The following TAFA5 variants were observed in gnomAD, a reference collection of about 807,000 sequenced individuals.
TAFA5 encodes the protein chemokine-like protein TAFA-5.
TAFA5 carries 6 observed loss-of-function variants against 15.3 expected under a neutral mutation model. The observed-to-expected ratio is 0.39, with a 90% CI of 0.21 to 0.77. TAFA5 has a LOEUF of 0.77. Ranked by LOEUF, TAFA5 falls within the 30% of genes least tolerant of loss-of-function variation. The pLI, the probability that TAFA5 is intolerant of heterozygous loss-of-function variation, is 0.41. For missense variants in TAFA5, 161 were observed against 193.1 expected (o/e 0.83, Z 0.98); for synonymous variants, 103 against 80.7 (o/e 1.28, Z -1.48).
chr22:48,634,536 TTCAATCATTCAC>T (rs1926374313), intron 1 of TAFA5, among the ~76,000 whole-genome samples: 1 of 152,104 alleles, frequency 6.6e-6, no homozygotes, highest in Non-Finnish European at 1.5e-5. Flanking sequence ...TATTCACACA[TTCAATCATTCAC>T]TCAGTCATTC....
At chr22:48,640,586 C>T (rs937332234) in intron 1 of TAFA5, among the ~76,000 whole-genome samples, 1 of 150,984 alleles carries the variant, frequency 6.6e-6, no homozygotes, top group Non-Finnish European at 1.5e-5. Context: ...TGATGAGAGG[C>T]GTTTACCCCG....
At chr22:48,529,817 C>T (rs1356366854) in intron 1 of TAFA5, among the ~76,000 whole-genome samples, 2 of 152,034 alleles carry the variant, frequency 1.3e-5, no homozygotes, top group African/African-American at 4.8e-5. Context: ...AGACCTCCAT[C>T]CTCCCATGGG....
intron 2 of TAFA5, among the ~76,000 whole-genome samples, chr22:48,655,212 G>A (rs911802106): frequency 1.8e-4 from 27 of 152,158 alleles, no homozygotes; most frequent in Non-Finnish European, 3.1e-4. Flanking sequence ...GGAGCAAACC[G>A]TGTCTGAAGG....
chr22:48,688,468 T>C (rs1040558076), intron 2 of TAFA5, among the ~76,000 whole-genome samples: 1 of 152,218 alleles, frequency 6.6e-6, no homozygotes, highest in African/African-American at 2.4e-5. Context: ...AGTGTTCTCC[T>C]GGAGTCTTGT....
chr22:48,632,878 T>G (rs1926283486), intron 1 of TAFA5, among the ~76,000 whole-genome samples: 1 of 151,566 alleles, frequency 6.6e-6, no homozygotes, highest in South Asian at 2.1e-4. Flanking sequence ...GCCTGCAGAG[T>G]TGGTGGCAGG....
intron 2 of TAFA5, among the ~76,000 whole-genome samples, chr22:48,650,668 T>C (rs1927021481): frequency 6.6e-6 from 1 of 152,190 alleles, no homozygotes; most frequent in Non-Finnish European, 1.5e-5. Context: ...TCCCTGCCTG[T>C]ACAGGGCAGG....
chr22:48,670,197 T>C (rs1010371931), intron 2 of TAFA5, among the ~76,000 whole-genome samples: 4 of 152,248 alleles, frequency 2.6e-5, no homozygotes, highest in Admixed American at 6.5e-5. Flanking sequence ...TGTAATCGGC[T>C]GCTAATGGCC....
At chr22:48,680,444 A>G (rs568205393) in intron 2 of TAFA5, among the ~76,000 whole-genome samples, 12 of 152,022 alleles carry the variant, frequency 7.9e-5, no homozygotes, top group African/African-American at 2.9e-4. Context: ...ATTCAAGTCC[A>G]GGTAGCCCCA....
At chr22:48,675,909 C>T (rs1472889688) in intron 2 of TAFA5, among the ~76,000 whole-genome samples, 1 of 152,260 alleles carries the variant, frequency 6.6e-6, no homozygotes, top group Non-Finnish European at 1.5e-5. Context: ...CACAGCGCAC[C>T]CTGACGCCCA....
chr22:48,580,381 C>G (rs1923991819), intron 1 of TAFA5, among the ~76,000 whole-genome samples: 1 of 152,198 alleles, frequency 6.6e-6, no homozygotes, highest in Non-Finnish European at 1.5e-5. Context: ...TTAGATGGAT[C>G]AGTTTATTTT....
intron 1 of TAFA5, among the ~76,000 whole-genome samples, chr22:48,593,065 T>A (rs1924630475): frequency 6.6e-6 from 1 of 152,146 alleles, no homozygotes; most frequent in African/African-American, 2.4e-5. Flanking sequence ...GGAACTGAGA[T>A]GTCCTCCGGG....
intron 1 of TAFA5, among the ~76,000 whole-genome samples, chr22:48,633,800 A>G (rs1267372341): frequency 6.6e-6 from 1 of 152,206 alleles, no homozygotes; most frequent in African/African-American, 2.4e-5. Flanking sequence ...AGATGAGGAT[A>G]TGGGAGGAAG....
At chr22:48,562,142 T>C (rs1244120835) in intron 1 of TAFA5, among the ~76,000 whole-genome samples, 2 of 152,146 alleles carry the variant, frequency 1.3e-5, no homozygotes, top group African/African-American at 2.4e-5. Context: ...TTCTTTTTTC[T>C]TTTTTTCTTT....
chr22:48,515,014 G>A (rs964197075), intron 1 of TAFA5, among the ~76,000 whole-genome samples: 11 of 152,252 alleles, frequency 7.2e-5, no homozygotes, highest in South Asian at 2.1e-4. Flanking sequence ...TTTAGGAATC[G>A]TTCCATGGAA....
At chr22:48,660,317 C>T (rs765130550) in intron 2 of TAFA5, among the ~76,000 whole-genome samples, 16 of 152,132 alleles carry the variant, frequency 1.1e-4, no homozygotes, top group East Asian at 1.9e-4. Flanking sequence ...TGTTTGCTGA[C>T]GGTGGCTGGA....
intron 1 of TAFA5, among the ~76,000 whole-genome samples, chr22:48,583,947 TAC>T (rs1331231167): frequency 2.0e-5 from 2 of 97,822 alleles, no homozygotes; most frequent in African/African-American, 4.1e-5. Context: ...CCACACACCA[TAC>T]ACACACCACA....
intron 1 of TAFA5, among the ~76,000 whole-genome samples, chr22:48,509,312 T>C (rs1453373780): frequency 1.3e-5 from 2 of 152,192 alleles, no homozygotes; most frequent in Non-Finnish European, 2.9e-5. Flanking sequence ...TTCCTTTCCT[T>C]TGGATAAATA....
At chr22:48,513,605 G>A (rs1183116448) in intron 1 of TAFA5, among the ~76,000 whole-genome samples, 1 of 152,244 alleles carries the variant, frequency 6.6e-6, no homozygotes, top group Non-Finnish European at 1.5e-5. Flanking sequence ...AGCGAGACAT[G>A]GCTAAGAGAA....
chr22:48,711,304 A>T (rs1469476951), intron 3 of TAFA5, among the ~76,000 whole-genome samples: 2 of 151,574 alleles, frequency 1.3e-5, no homozygotes, highest in Non-Finnish European at 2.9e-5. Flanking sequence ...CCTGTCTCTC[A>T]GCCTGTGCCT....
Sources: gnomAD v4.1 joint callset for allele counts (sites outside exome capture counted in the v4.1 genomes callset) on GRCh38, gnomAD v4.1.1 for gene constraint, MANE v1.5 for transcripts, NCBI Gene and HGNC (gene_info 2026-07-23, HGNC 2026-07-21) for gene names.